The following BBOF1 variants were observed in gnomAD, a reference collection of about 807,000 sequenced individuals.
The protein encoded by BBOF1 is basal body orientation factor 1.
A neutral mutation model predicts 68.0 loss-of-function variants in BBOF1; 62 were observed. The observed-to-expected ratio is 0.91, with a 90% confidence interval of 0.74 to 1.13. The LOEUF (loss-of-function observed/expected upper bound fraction) is 1.13, where lower values mean the gene tolerates loss of function less well. BBOF1 is among the 50% of genes most tolerant of loss of function. The pLI, the probability that BBOF1 is intolerant of heterozygous loss-of-function variation, is 0.00. For missense variants in BBOF1, 534 were observed against 600.1 expected (o/e 0.89, Z 1.15); for synonymous variants, 208 against 198.8 (o/e 1.05, Z -0.39).
intron 11 of BBOF1, chr14:74,060,141 T>TA: frequency 6.3e-6 from 1 of 158,474 alleles, no homozygotes; most frequent in Admixed American, 6.0e-5. Context: ...ACATCTTCTT[T>TA]AAAAAATTTT....
chr14:74,048,262 A>G (rs2059994089), intron 7 of BBOF1, 188 bp downstream of exon 7: 1 of 508,056 alleles, frequency 2.0e-6, no homozygotes, highest in Non-Finnish European at 3.4e-6. Context: ...GAAGCATTAG[A>G]CTCAACTTAT....
At position 74,034,051 on chromosome 14, in the gene BBOF1, T is replaced by G. The variant is rs942255180; in HGVS notation, c.375T>G (p.Ile125Met). The stretch of plus-strand genomic sequence containing the variant: ...AGGAACAAAAGTATACCAGGCAAAT[T>G]AATGAACTAGAGGGACAGTTCCATC... ...DKLEQKYTRQ[I>M]NELEGQFHQK... The change falls in exon 4 of 12, where the codon ATT becomes ATG. Residue 125 changes from isoleucine to methionine, a missense_variant. Ile to Met is a conservative substitution (Grantham distance 10). Transcript: ENST00000394009. The G allele has an allele frequency of 3.1e-6, 5 of 1,599,138 alleles. No homozygotes were observed. The African/African-American group carries it at 5.4e-5, about 17-fold the overall frequency.
intron 5 of BBOF1, among the ~76,000 whole-genome samples, chr14:74,043,485 G>A (rs1269923222): frequency 1.4e-5 from 2 of 144,126 alleles, no homozygotes; most frequent in Non-Finnish European, 3.0e-5. Context: ...GGGAAGCGGA[G>A]CTTGCAGTGA....
chr14:74,067,442 C>T (rs1230789374), downstream of BBOF1: 1 of 1,614,136 alleles, frequency 6.2e-7, no homozygotes, highest in Non-Finnish European at 8.5e-7. Flanking sequence ...CTTGGCTTCT[C>T]CCACAAGGAC....
Position 74,034,100 on chromosome 14 carries a change from A to T in BBOF1, c.424A>T (p.Ile142Phe), listed in dbSNP as rs1469504852. ...TCAAAAAGCCAAAGAAATTGGCATG[A>T]TTCACACAGAGCTGAAAGCAGTAAG... ...FHQKAKEIGM[I>F]HTELKAVRQF... Residue 142 changes from isoleucine (I) to phenylalanine (F), a missense_variant, in exon 4 of 12, where the codon ATT (isoleucine) becomes TTT (phenylalanine). By Grantham distance (21) the Ile-to-Phe change is conservative. Transcript: ENST00000394009. The T allele has an allele frequency of 6.2e-7, 1 of 1,606,102 alleles. No individual in the cohort carries two copies. The highest frequency in any genetic ancestry group is 1.7e-5 in the Admixed American group (1 of 58,746).
rs2060560384 is a variant in BBOF1 at position 74,072,233 on chromosome 14, G to T, written n.1380-5963G>T. 2.5e-6 allele frequency: 4 copies of T among 1,614,200 alleles called. No individual in the cohort carries two copies. The South Asian group carries it at 3.3e-5, about 13-fold the overall frequency. ...TTTCTTTAATAAGTTGTTGATAGCGGAGCAAGACCTGCTGGCGGCTTAATA... is the reference window on the plus strand; with the variant it reads ...TTTCTTTAATAAGTTGTTGATAGCGTAGCAAGACCTGCTGGCGGCTTAATA... On this transcript the variant is annotated intron_variant and non_coding_transcript_variant, in intron 9 of 12. Coordinates refer to the BBOF1 transcript ENST00000492026.
downstream of BBOF1, among the ~76,000 whole-genome samples, chr14:74,067,992 A>G (rs570902028): frequency 9.0e-6 from 1 of 111,554 alleles, no homozygotes; most frequent in East Asian, 4.7e-4. Context: ...TATGAAGAGC[A>G]ATGTTAAAAA....
At chr14:74,042,119 T>C (rs1218223163) in intron 5 of BBOF1, among the ~76,000 whole-genome samples, 1 of 152,196 alleles carries the variant, frequency 6.6e-6, no homozygotes, top group Non-Finnish European at 1.5e-5. Flanking sequence ...CAGCAATCCT[T>C]CTGCCTTGAC....
chr14:74,075,594 C>A (rs139288937), intron 9 of BBOF1, among the ~76,000 whole-genome samples: 1 of 151,782 alleles, frequency 6.6e-6, no homozygotes, highest in East Asian at 1.9e-4. Flanking sequence ...GAGGGTGAGG[C>A]TGCAGTGAAC....
chr14:74,043,582 A>C (rs991273797), intron 5 of BBOF1, among the ~76,000 whole-genome samples: 19 of 148,996 alleles, frequency 1.3e-4, no homozygotes, highest in African/African-American at 4.7e-4. Flanking sequence ...AAAAAAAAAA[A>C]AAGACAGAGT....
rs2059339842 is a variant in BBOF1 at position 74,023,095 on chromosome 14, T to C, written c.236T>C (p.Met79Thr). The change falls in exon 2 of 12, where the codon ATG (methionine) becomes ACG (threonine). Residue 79 changes from methionine (M) to threonine (T), a missense_variant. By Grantham distance (81) the Met-to-Thr change is moderately conservative. Coordinates refer to ENST00000394009, the MANE Select transcript of BBOF1 (RefSeq NM_025057.3). Reference sequence around the variant, plus strand: ...CAATGTAAAATGGAGAAAGACATAATGTCAGTATTAAGTTACCTGAAGAAG... The same window carrying C: ...CAATGTAAAATGGAGAAAGACATAACGTCAGTATTAAGTTACCTGAAGAAG... Reference protein sequence around the residue: ...KKQCKMEKDIMSVLSYLKKQD... With the variant: ...KKQCKMEKDITSVLSYLKKQD... 6.3e-7 allele frequency: 1 copy of C among 1,599,270 alleles called. No individual in the cohort carries two copies. The highest frequency in any genetic ancestry group is 2.2e-5 in the East Asian group (1 of 44,604).
chr14:74,071,496 C>G (rs1441896774), intron 9 of BBOF1: 1 of 1,613,800 alleles, frequency 6.2e-7, no homozygotes, highest in Non-Finnish European at 8.5e-7. Context: ...GCTCAACCAC[C>G]TCTGGAACAC....
chr14:74,021,826 G>A (rs1246949759), intron 1 of BBOF1, among the ~76,000 whole-genome samples: 1 of 151,982 alleles, frequency 6.6e-6, no homozygotes, highest in Admixed American at 6.6e-5. Context: ...AGAATGGCAT[G>A]AACCTGGGAG....
intron 9 of BBOF1, among the ~76,000 whole-genome samples, chr14:74,073,093 C>T (rs1343227049): frequency 6.6e-6 from 1 of 152,058 alleles, no homozygotes; most frequent in Non-Finnish European, 1.5e-5. Flanking sequence ...AGCCTCTGCA[C>T]CTGGCCCTTA....
At chr14:74,055,762 T>C (rs1248428870) in intron 9 of BBOF1, 77 bp downstream of exon 9, 2 of 1,171,792 alleles carry the variant, frequency 1.7e-6, no homozygotes, top group African/African-American at 1.5e-5. Context: ...GAACTTATTT[T>C]TCTTACTTAG....
In BBOF1 at chr14:74,038,216, G is replaced by A. The variant is rs545592842; in HGVS notation, c.496-2349G>A. On this transcript the variant is annotated intron_variant, in intron 4 of 11. Transcript: ENST00000394009. ...TTAATCTTTGCTAAATGCTGAGCGGGTCTTTTGTTAAAAACATAAGGAATG... is the reference window on the plus strand; with the variant it reads ...TTAATCTTTGCTAAATGCTGAGCGGATCTTTTGTTAAAAACATAAGGAATG... 2.6e-5 allele frequency among the ~76,000 whole-genome samples: 4 copies of A among 152,244 alleles called. No individual in the cohort carries two copies. The South Asian group carries it at 6.2e-4, about 24-fold the overall frequency.
At chr14:74,070,029 G>A (rs1012327093), downstream of BBOF1, among the ~76,000 whole-genome samples, 8 of 151,352 alleles carry the variant, frequency 5.3e-5, no homozygotes, top group Non-Finnish European at 5.9e-5. Flanking sequence ...TTGTAGAGAC[G>A]GGGGTTTCGC....
intron 5 of BBOF1, among the ~76,000 whole-genome samples, chr14:74,043,831 C>A (rs899938705): frequency 6.6e-6 from 1 of 151,762 alleles, no homozygotes; most frequent in Non-Finnish European, 1.5e-5. Context: ...CCACTCCTGG[C>A]CTCTACATCC....
At chr14:74,075,142 A>G (rs888385901) in intron 9 of BBOF1, 1 of 788,878 alleles carries the variant, frequency 1.3e-6, no homozygotes, top group Non-Finnish European at 2.1e-6. Flanking sequence ...AAGGCCATAC[A>G]GTCATTAAAG....
Sources: gnomAD v4.1 joint callset for allele counts (sites outside exome capture counted in the v4.1 genomes callset) on GRCh38, gnomAD v4.1.1 for gene constraint, MANE v1.5 for transcripts, NCBI Gene and HGNC (gene_info 2026-07-23, HGNC 2026-07-21) for gene names.